The following TGFBR1 variants were observed in gnomAD, a reference collection of about 807,000 sequenced individuals.
TGFBR1 encodes the protein transforming growth factor beta receptor 1.
Under a neutral mutation model 55.1 loss-of-function variants are expected in TGFBR1, and 20 were observed. The observed-to-expected ratio is 0.36, with a 90% CI of 0.26 to 0.53. TGFBR1 has a LOEUF of 0.53. Among genes scored for constraint, TGFBR1 ranks in the 20% least tolerant of loss-of-function variants. The probability of loss-of-function intolerance (pLI) is 0.91; values close to 1 mark genes in which losing one functional copy is unlikely to be tolerated. For synonymous variants in TGFBR1, 220 were observed against 214.8 expected (o/e 1.02, Z -0.21); for missense variants, 385 against 617.6 (o/e 0.62, Z 3.99).
intron 1 of TGFBR1, among the ~76,000 whole-genome samples, chr9:99,110,898 C>G (rs941920734): frequency 6.6e-5 from 10 of 152,206 alleles, no homozygotes; most frequent in Admixed American, 2.6e-4. Context: ...ACAAATGCTC[C>G]TCTACTTATG....
intron 1 of TGFBR1, chr9:99,128,646 A>G (rs1373285873): frequency 2.7e-6 from 2 of 727,616 alleles, no homozygotes; most frequent in Non-Finnish European, 4.7e-6. Context: ...ATGTTGCTAC[A>G]TTTCCTTGGG....
chr9:99,143,253 C>T (rs906094092), intron 5 of TGFBR1, among the ~76,000 whole-genome samples: 2 of 152,092 alleles, frequency 1.3e-5, no homozygotes, highest in Non-Finnish European at 2.9e-5. Context: ...AGCATTCAAT[C>T]TTATGATTTT....
At position 99,133,227 on chromosome 9, in the gene TGFBR1, C is replaced by T. The variant is rs193111639; in HGVS notation, c.574+488C>T. Reference sequence around the variant, plus strand: ...TTAAACATTATATGAAATTGTCTTTCGTATAGGCCTGGTTTTTTAAAATTA... The same window carrying T: ...TTAAACATTATATGAAATTGTCTTTTGTATAGGCCTGGTTTTTTAAAATTA... On this transcript the variant is annotated intron_variant, in intron 3 of 8. Transcript: ENST00000374994. Among the ~76,000 whole-genome samples, 52 of 152,218 alleles carry T rather than the reference C, an allele frequency of 3.4e-4. No individual in the cohort carries two copies. The East Asian group carries it at 9.5e-3, about 28-fold the overall frequency.
chr9:99,105,146 C>G lies in TGFBR1; in HGVS notation c.-60C>G. 9.3e-7 allele frequency: 1 copy of G among 1,075,340 alleles called. No homozygotes were observed. Among genetic ancestry groups the G allele is most frequent in the African/African-American group, 1.7e-5 (1 of 59,650 alleles). 66.6% of individuals were successfully genotyped at this position (1,075,340 alleles called of 1,614,324 possible). A position where few individuals can be genotyped will look rare whatever the true frequency, so the allele number is the denominator to read the frequency against. On this transcript the variant is annotated 5_prime_UTR_variant, in exon 1 of 9. Transcript: ENST00000374994. Reference sequence around the variant, plus strand: ...GGGAGGTGGGGCGAGGCGAGGTTTGCTGGGGTGAGGCAGCGGCGCGGCCGG... The same window carrying G: ...GGGAGGTGGGGCGAGGCGAGGTTTGGTGGGGTGAGGCAGCGGCGCGGCCGG...
rs760980107 is a variant in TGFBR1 at position 99,149,532 on chromosome 9, A to T, written c.*227A>T. 3.8e-6 allele frequency: 2 copies of T among 525,006 alleles called. No homozygotes were observed. The highest frequency in any genetic ancestry group is 6.8e-6 in the Non-Finnish European group (2 of 294,412). The allele number at this position is 525,006 out of a possible 1,614,324, so 32.5% of individuals were successfully genotyped here. ...GAACGCTTCTTTCCCAGGACAGAAAATGTGTAGTCTACCTTTATTTTTTAT... is the reference window on the plus strand; with the variant it reads ...GAACGCTTCTTTCCCAGGACAGAAATTGTGTAGTCTACCTTTATTTTTTAT... On this transcript the variant is annotated 3_prime_UTR_variant, in exon 9 of 9. Transcript: ENST00000374994.
Position 99,132,194 on chromosome 9 carries a change from T to C in TGFBR1, c.344-315T>C, listed in dbSNP as rs555567617. ...TGTTAATAGGTATTGTTACAGGTTA[T>C]TGGTATTAGTGACCTGATGTGATAA... On this transcript the variant is annotated intron_variant, in intron 2 of 8. Coordinates refer to ENST00000374994, the MANE Select transcript of TGFBR1 (RefSeq NM_004612.4). Among the ~76,000 whole-genome samples, 4 of 152,300 alleles carry C rather than the reference T, an allele frequency of 2.6e-5. No individual in the cohort carries two copies. The East Asian group carries it at 7.7e-4, about 29-fold the overall frequency.
intron 7 of TGFBR1, 58 bp downstream of exon 7, chr9:99,146,667 G>C: frequency 1.2e-6 from 2 of 1,610,460 alleles, no homozygotes; most frequent in Non-Finnish European, 1.7e-6. Flanking sequence ...TTCAAGAATT[G>C]TCTTCTTTTT....
At chr9:99,112,832 A>G (rs1826624241) in intron 1 of TGFBR1, among the ~76,000 whole-genome samples, 1 of 152,202 alleles carries the variant, frequency 6.6e-6, no homozygotes, top group Non-Finnish European at 1.5e-5. Flanking sequence ...CTCAGTAGTC[A>G]GCAAAGATTA....
At chr9:99,128,832 T>C (rs779878701) in intron 1 of TGFBR1, 23 bp from the exon 2 acceptor site, 2 of 1,613,128 alleles carry the variant, frequency 1.2e-6, no homozygotes, top group African/African-American at 2.7e-5. Flanking sequence ...AGATTTTTTC[T>C]AAGAATCTTT....
chr9:99,119,250 G>A lies in TGFBR1; in HGVS notation c.98-9605G>A, dbSNP rs146629874. On this transcript the variant is annotated intron_variant, in intron 1 of 8. Coordinates refer to ENST00000374994, the MANE Select transcript of TGFBR1 (RefSeq NM_004612.4). ...CCCGAGTCAATGGCAGCTGGGAGTG[G>A]TTACCACTTCCTTCTCTTACCACAG... Among the ~76,000 whole-genome samples the A allele has an allele frequency of 2.4e-3, 358 of 152,278 alleles. 2 individuals carry two copies. The highest frequency in any genetic ancestry group is 6.0e-3 in the South Asian group (29 of 4,824).
intron 2 of TGFBR1, among the ~76,000 whole-genome samples, chr9:99,131,036 A>G (rs1207470138): frequency 2.0e-5 from 3 of 152,220 alleles, no homozygotes; most frequent in Non-Finnish European, 4.4e-5. Context: ...ATGATCCAAT[A>G]TGCTTATTAT....
chr9:99,146,065 G>A (rs1344132606), intron 6 of TGFBR1: 4 of 276,452 alleles, frequency 1.4e-5, no homozygotes, highest in Non-Finnish European at 7.0e-6. Flanking sequence ...TGAAGCTTCA[G>A]TATGAGGACT....
intron 1 of TGFBR1, chr9:99,128,107 T>C (rs1169193834): frequency 2.3e-6 from 1 of 431,166 alleles, no homozygotes; most frequent in Non-Finnish European, 4.7e-6. Flanking sequence ...AAGGCTTCCC[T>C]AAAGAGGTCA....
chr9:99,126,875 T>A (rs188960873), intron 1 of TGFBR1, among the ~76,000 whole-genome samples: 184 of 152,280 alleles, frequency 1.2e-3, no homozygotes, highest in African/African-American at 4.1e-3. Flanking sequence ...TGTCTATGAA[T>A]AAAGAAAGCG....
chr9:99,131,066 A>C (rs1038982281), intron 2 of TGFBR1, among the ~76,000 whole-genome samples: 1 of 152,238 alleles, frequency 6.6e-6, no homozygotes, highest in African/African-American at 2.4e-5. Context: ...AGAAAAAGGC[A>C]TGAAATCATA....
In TGFBR1 at chr9:99,147,712, T is replaced by G; in HGVS notation, c.1314T>G (p.Val438=). ...YYDLVPSDPS[V]EEMRKVVCEQ... ...ATCTTGTACCTTCTGACCCATCAGT[T>G]GAAGAAATGAGAAAAGTTGTTTGTG... The change falls in exon 8 of 9, where the codon GTT becomes GTG. Residue 438 remains valine (V), a synonymous_variant. Transcript: ENST00000374994. 6.2e-7 allele frequency: 1 copy of G among 1,613,796 alleles called. No individual in the cohort carries two copies. Among genetic ancestry groups the G allele is most frequent in the Non-Finnish European group, 8.5e-7 (1 of 1,179,826 alleles).
At chr9:99,146,096 A>G (rs1827786956) in intron 6 of TGFBR1, 1 of 293,876 alleles carries the variant, frequency 3.4e-6, no homozygotes, top group African/African-American at 2.2e-5. Flanking sequence ...TGTATCTATT[A>G]TTTTTTTCCC....
chr9:99,132,662 T>A lies in TGFBR1; in HGVS notation c.497T>A (p.Leu166Ter). 6.2e-7 allele frequency: 1 copy of A among 1,614,152 alleles called. No individual in the cohort carries two copies. The highest frequency in any genetic ancestry group is 8.5e-7 in the Non-Finnish European group (1 of 1,180,022). The stretch of plus-strand genomic sequence containing the variant: ...GTGCCAAATGAAGAGGACCCTTCAT[T>A]AGATCGCCCTTTTATTTCAGAGGGT... ...HRVPNEEDPSLDRPFISEGTT... is the reference protein window; with the variant it reads ...HRVPNEEDPS Residue 166 changes from leucine to a stop codon, truncating the protein, a stop_gained, in exon 3 of 9, where the codon TTA becomes TAA. Coordinates refer to ENST00000374994, the MANE Select transcript of TGFBR1 (RefSeq NM_004612.4). LOFTEE classifies it high-confidence loss of function.
chr9:99,109,038 C>T (rs1022621747), intron 1 of TGFBR1, among the ~76,000 whole-genome samples: 1 of 152,060 alleles, frequency 6.6e-6, no homozygotes, highest in Non-Finnish European at 1.5e-5. Context: ...CTATATGGTG[C>T]TTTAAAATGT....
Sources: allele counts gnomAD v4.1 joint callset (sites outside exome capture counted in the v4.1 genomes callset), GRCh38; gene constraint gnomAD v4.1.1; transcripts MANE v1.5; gene names NCBI Gene and HGNC (gene_info 2026-07-23, HGNC 2026-07-21).